Variants in TMPRSS11D observed in about 807,000 individuals in gnomAD.
TMPRSS11D encodes the protein transmembrane protease serine 11D.
Under a neutral mutation model 44.4 loss-of-function variants are expected in TMPRSS11D, and 32 were observed. The ratio of observed to expected loss-of-function variants is 0.72; its 90% CI spans 0.54 to 0.97. TMPRSS11D has a LOEUF of 0.97. Ranked by LOEUF, TMPRSS11D falls within the 50% of genes least tolerant of loss-of-function variation. The pLI, the probability that TMPRSS11D is intolerant of heterozygous loss-of-function variation, is 0.00. For synonymous variants in TMPRSS11D, 179 were observed against 177.9 expected, an observed-to-expected ratio of 1.01 and a Z score of -0.05; for missense variants, 446 against 502.6, an observed-to-expected ratio of 0.89 and a Z score of 1.08.
intron 8 of TMPRSS11D, among the ~76,000 whole-genome samples, 154 bp downstream of exon 8, chr4:67,827,106 CA>C (rs1717811965): frequency 1.3e-5 from 2 of 152,040 alleles, no homozygotes; most frequent in African/African-American, 4.8e-5. Context: ...TAAGGAGACT[CA>C]GGGGTAGCCA....
intron 8 of TMPRSS11D, 69 bp from the exon 9 acceptor site, chr4:67,825,943 T>A: frequency 7.0e-7 from 1 of 1,424,724 alleles, no homozygotes; most frequent in Non-Finnish European, 9.4e-7. Flanking sequence ...ATAATAAATT[T>A]GAGAAGAAAT....
At chr4:67,868,594 C>T (rs369611301) in intron 1 of TMPRSS11D, among the ~76,000 whole-genome samples, 1 of 152,046 alleles carries the variant, frequency 6.6e-6, no homozygotes. Context: ...GTATGTTTGG[C>T]GAAAAGTAGT....
At chr4:67,823,571 A>G (rs995074356) in intron 9 of TMPRSS11D, among the ~76,000 whole-genome samples, 4 of 152,178 alleles carry the variant, frequency 2.6e-5, no homozygotes, top group Non-Finnish European at 5.9e-5. Context: ...TAGTATAGTC[A>G]GTACTAATAA....
Position 67,827,610 on chromosome 4 carries a change from C to A in TMPRSS11D, c.693-90G>T, listed in dbSNP as rs141894540. On this transcript the variant is annotated intron_variant, in intron 7 of 9. Coordinates refer to ENST00000283916, the MANE Select transcript of TMPRSS11D (RefSeq NM_004262.3). Reference sequence around the variant, plus strand: ...CATCTTAGCCATCCTGTACCACTATCTAGAAACTATTGGATCCACATCTCT... The same window carrying A: ...CATCTTAGCCATCCTGTACCACTATATAGAAACTATTGGATCCACATCTCT... 39 of 1,359,522 alleles carry A rather than the reference C, an allele frequency of 2.9e-5. No individual in the cohort carries two copies. In the African/African-American group the frequency reaches 3.5e-4, roughly 12 times the overall value. 84.2% of individuals were successfully genotyped at this position (1,359,522 alleles called of 1,614,324 possible). A position where few individuals can be genotyped will look rare whatever the true frequency, so the allele number is the denominator to read the frequency against.
rs186603178 is a variant in TMPRSS11D, at chr4:67,841,137, A to C, written c.317+1421T>G. Reference sequence around the variant, plus strand: ...GAGAATTATCCATGTGATGGTACCAAGTAGATGGCTGCATATATTCATGTT... The same window carrying C: ...GAGAATTATCCATGTGATGGTACCACGTAGATGGCTGCATATATTCATGTT... On this transcript the variant is annotated intron_variant, in intron 4 of 9. Coordinates refer to ENST00000283916, the MANE Select transcript of TMPRSS11D (RefSeq NM_004262.3). Among the ~76,000 whole-genome samples the C allele has an allele frequency of 7.9e-5, 12 of 152,272 alleles. 1 individual carries two copies. The highest frequency in any genetic ancestry group is 2.9e-4 in the African/African-American group (12 of 41,570).
Position 67,821,560 on chromosome 4 carries a change from A to C in TMPRSS11D, c.*777T>G, listed in dbSNP as rs1252511407. 6.6e-6 allele frequency: 1 copy of C among 152,106 alleles called. No individual in the cohort carries two copies. Among genetic ancestry groups the C allele is most frequent in the African/African-American group, 2.4e-5 (1 of 41,428 alleles). The allele number at this position is 152,106 out of a possible 1,614,324, so 9.4% of individuals were successfully genotyped here. A position where few individuals can be genotyped will look rare whatever the true frequency, so the allele number is the denominator to read the frequency against. The stretch of plus-strand genomic sequence containing the variant: ...CTATGTAGTTGTAAAGCACCTGACA[A>C]GTTTGTGTAGGTATATTTCTTAGCT... On this transcript the variant is annotated 3_prime_UTR_variant, in exon 10 of 10. Coordinates refer to ENST00000283916, the MANE Select transcript of TMPRSS11D (RefSeq NM_004262.3).
chr4:67,867,957 C>G (rs1224583611), intron 1 of TMPRSS11D, among the ~76,000 whole-genome samples: 1 of 151,986 alleles, frequency 6.6e-6, no homozygotes, highest in African/African-American at 2.4e-5. Flanking sequence ...TCCAGCAATC[C>G]AACTATTGGG....
At chr4:67,847,466 T>C (rs1474143040) in intron 3 of TMPRSS11D, among the ~76,000 whole-genome samples, 4 of 152,226 alleles carry the variant, frequency 2.6e-5, no homozygotes, top group Admixed American at 1.3e-4. Context: ...GTTCCCTTGT[T>C]GCTTTTGGGA....
chr4:67,834,442 C>T (rs1007090757), intron 6 of TMPRSS11D, among the ~76,000 whole-genome samples: 3 of 152,158 alleles, frequency 2.0e-5, no homozygotes, highest in Non-Finnish European at 4.4e-5. Flanking sequence ...GGACTACCAT[C>T]ACTTTGTAAA....
At chr4:67,845,805 A>G (rs1373347329) in intron 3 of TMPRSS11D, among the ~76,000 whole-genome samples, 2 of 152,146 alleles carry the variant, frequency 1.3e-5, no homozygotes, top group Admixed American at 6.5e-5. Context: ...TAATCAAAAG[A>G]CTGAAGCAAG....
At chr4:67,875,680 C>G (rs1028213014) in intron 1 of TMPRSS11D, among the ~76,000 whole-genome samples, 5 of 152,200 alleles carry the variant, frequency 3.3e-5, no homozygotes, top group Non-Finnish European at 7.3e-5. Context: ...CTGTGTGAAC[C>G]TGGGAAGTCA....
At chr4:67,852,469 C>T (rs1188283929) in intron 3 of TMPRSS11D, among the ~76,000 whole-genome samples, 1 of 152,130 alleles carries the variant, frequency 6.6e-6, no homozygotes, top group Non-Finnish European at 1.5e-5. Context: ...CTAGGTTATG[C>T]TAGAGACCAT....
rs1436431114 is a variant in TMPRSS11D at position 67,838,172 on chromosome 4, A to G, written c.475T>C (p.Ser159Pro). 1.7e-5 allele frequency: 26 copies of G among 1,527,810 alleles called. No individual in the cohort carries two copies. Among genetic ancestry groups the G allele is most frequent in the Non-Finnish European group, 2.3e-5 (26 of 1,140,978 alleles). The allele number at this position is 1,527,810 out of a possible 1,614,324, so 94.6% of individuals were successfully genotyped here. A position where few individuals can be genotyped will look rare whatever the true frequency, so the allele number is the denominator to read the frequency against. The change falls in exon 5 of 10, where the codon TCA becomes CCA. Residue 159 changes from serine to proline, a missense_variant and splice_region_variant. Coordinates refer to ENST00000283916, the MANE Select transcript of TMPRSS11D (RefSeq NM_004262.3). ...LEINPSTEITSLTDQAAANWL... is the reference protein window; with the variant it reads ...LEINPSTEITPLTDQAAANWL... The stretch of plus-strand genomic sequence containing the variant: ...ATTGTTTATGAAAAATTATACTTAC[A>G]TGTTATCTCAGTTGAAGGGTTTATT...
chr4:67,873,576 A>G (rs1014531129), intron 1 of TMPRSS11D, among the ~76,000 whole-genome samples: 2 of 152,186 alleles, frequency 1.3e-5, no homozygotes, highest in Non-Finnish European at 2.9e-5. Flanking sequence ...GAAAGATGAC[A>G]TTTCAGCACA....
At chr4:67,880,878 A>G (rs1719305113) in intron 1 of TMPRSS11D, among the ~76,000 whole-genome samples, 1 of 152,224 alleles carries the variant, frequency 6.6e-6, no homozygotes, top group South Asian at 2.1e-4. Flanking sequence ...CCTCTGGCAA[A>G]TGGATATTGT....
intron 8 of TMPRSS11D, among the ~76,000 whole-genome samples, chr4:67,826,237 C>T (rs1717789196): frequency 6.6e-6 from 1 of 152,026 alleles, no homozygotes; most frequent in African/African-American, 2.4e-5. Context: ...AAAGAGAAAC[C>T]AGTCTAGTTT....
chr4:67,883,825 T>C (rs927395935), intron 1 of TMPRSS11D, 101 bp downstream of exon 1: 12 of 890,210 alleles, frequency 1.3e-5, no homozygotes, highest in Non-Finnish European at 2.0e-5. Flanking sequence ...AACTAGAAGA[T>C]TGCTAGACAC....
At chr4:67,853,624 T>C (rs916028862) in intron 3 of TMPRSS11D, among the ~76,000 whole-genome samples, 3 of 152,204 alleles carry the variant, frequency 2.0e-5, no homozygotes, top group Non-Finnish European at 2.9e-5. Context: ...CTGTTCAAAC[T>C]TCTATGTCTA....
intron 1 of TMPRSS11D, among the ~76,000 whole-genome samples, chr4:67,882,766 T>A (rs1370862696): frequency 1.3e-5 from 2 of 152,124 alleles, no homozygotes; most frequent in African/African-American, 4.8e-5. Flanking sequence ...TGCTTTAGTA[T>A]AACAAACCTG....
Sources: gnomAD v4.1 joint callset for allele counts (sites outside exome capture counted in the v4.1 genomes callset) on GRCh38, gnomAD v4.1.1 for gene constraint, MANE v1.5 for transcripts, NCBI Gene and HGNC (gene_info 2026-07-23, HGNC 2026-07-21) for gene names.